Variants in COL11A1 observed in about 807,000 individuals in gnomAD.
COL11A1 encodes the protein collagen type XI alpha 1 chain, also known as collagen alpha-1(XI) chain.
Under a neutral mutation model 265.2 loss-of-function variants are expected in COL11A1, and 74 were observed. The observed-to-expected ratio is 0.28, with a 90% confidence interval of 0.23 to 0.34. COL11A1 has a LOEUF of 0.34. Among genes scored for constraint, COL11A1 ranks in the 10% least tolerant of loss-of-function variants. The pLI is 1.00. For synonymous variants in COL11A1, 816 were observed against 727.6 expected, an observed-to-expected ratio of 1.12 and a Z score of -1.96; for missense variants, 2,165 against 2,263.6, an observed-to-expected ratio of 0.96 and a Z score of 0.88.
At chr1:102,885,515 A>G (rs2100832179) in intron 63 of COL11A1, among the ~76,000 whole-genome samples, 1 of 152,264 alleles carries the variant, frequency 6.6e-6, no homozygotes, top group South Asian at 2.1e-4. Flanking sequence ...TAAACAGGAA[A>G]AGTATTCTAA....
rs143611857 is a variant in COL11A1, at chr1:103,051,569, C to T, written c.652-20325G>A. On this transcript the variant is annotated intron_variant, in intron 4 of 66. Transcript: ENST00000370096. ...GTGCTTCCCGGGTAAGGTGATGCCTCGCCTTGCTTCGGCTTATGCATGGTG... is the reference window on the plus strand; with the variant it reads ...GTGCTTCCCGGGTAAGGTGATGCCTTGCCTTGCTTCGGCTTATGCATGGTG... 8.4e-3 allele frequency among the ~76,000 whole-genome samples: 1,282 copies of T among 152,292 alleles called. 36 individuals carry two copies. The highest frequency in any genetic ancestry group is 0.057 in the Admixed American group (874 of 15,300).
At position 102,911,208 on chromosome 1, in the gene COL11A1, T is replaced by G. The variant is rs189791184; in HGVS notation, c.4086+951A>C. On this transcript the variant is annotated intron_variant, in intron 54 of 66. Transcript: ENST00000370096. ...CTTGGCCAATGAAGAGCAAATTGTT[T>G]TCAGAGACAAGTTTTATTATAAATT... 8.1e-3 allele frequency among the ~76,000 whole-genome samples: 1,232 copies of G among 152,242 alleles called. 19 individuals are homozygous for G. The highest frequency in any genetic ancestry group is 0.028 in the African/African-American group (1,164 of 41,558).
chr1:102,963,855 G>T (rs2615987), intron 38 of COL11A1, among the ~76,000 whole-genome samples: 43,224 of 151,722 alleles, frequency 0.28, 6,504 homozygotes, highest in African/African-American at 0.39. Flanking sequence ...ATTGAACAGC[G>T]ATCACCGAGA....
At chr1:102,881,867 A>T in intron 64 of COL11A1, 102 bp from the exon 65 acceptor site, 1 of 863,734 alleles carries the variant, frequency 1.2e-6, no homozygotes, top group South Asian at 1.5e-5. Context: ...CTAAGAAAAT[A>T]AAGAGTGCTT....
At chr1:102,933,553 C>G (rs1657776487) in intron 46 of COL11A1, among the ~76,000 whole-genome samples, 2 of 152,310 alleles carry the variant, frequency 1.3e-5, no homozygotes, top group Admixed American at 6.5e-5. Context: ...TTTGTCAGTG[C>G]TCTGCCCCCC....
At chr1:103,027,682 C>A (rs76764789) in intron 5 of COL11A1, among the ~76,000 whole-genome samples, 12,004 of 151,748 alleles carry the variant, frequency 0.079, 530 homozygotes, top group Middle Eastern at 0.15. Flanking sequence ...AAATTGTGAT[C>A]ACAGTGCCTT....
intron 44 of COL11A1, among the ~76,000 whole-genome samples, chr1:102,937,884 G>T (rs910109774): frequency 1.1e-4 from 16 of 152,242 alleles, no homozygotes; most frequent in East Asian, 3.9e-4. Flanking sequence ...TTTTGTAAAT[G>T]TATAGTCAAT....
chr1:102,969,500 A>G (rs1056464050), intron 37 of COL11A1, among the ~76,000 whole-genome samples: 3 of 152,192 alleles, frequency 2.0e-5, no homozygotes, highest in Non-Finnish European at 4.4e-5. Flanking sequence ...GATTAGAATG[A>G]CAATCCACTG....
At chr1:102,914,325 A>G (rs188060734) in intron 52 of COL11A1, 27 bp downstream of exon 52, 2 of 1,569,670 alleles carry the variant, frequency 1.3e-6, no homozygotes, top group Admixed American at 1.7e-5. Context: ...CTCCAAAATA[A>G]TTTCTTGATT....
At chr1:102,967,757 G>A (rs1024403311) in intron 37 of COL11A1, among the ~76,000 whole-genome samples, 32 of 152,096 alleles carry the variant, frequency 2.1e-4, no homozygotes, top group African/African-American at 7.2e-4. Context: ...AAATTCAACA[G>A]GAAGATATAA....
chr1:102,951,399 T>A (rs1160067895), intron 41 of COL11A1, among the ~76,000 whole-genome samples: 1 of 152,204 alleles, frequency 6.6e-6, no homozygotes, highest in South Asian at 2.1e-4. Flanking sequence ...TTGAACATGT[T>A]AAAAATTTAG....
chr1:102,914,930 G>C, intron 50 of COL11A1, 119 bp from the exon 51 acceptor site: 1 of 797,954 alleles, frequency 1.3e-6, no homozygotes, highest in Non-Finnish European at 2.0e-6. Flanking sequence ...TTTTTAGACG[G>C]AATATCACTT....
intron 46 of COL11A1, among the ~76,000 whole-genome samples, chr1:102,933,061 T>C (rs1032679395): frequency 2.7e-5 from 4 of 146,038 alleles, no homozygotes; most frequent in African/African-American, 1.0e-4. Flanking sequence ...CTCAGAGTAA[T>C]TTGATCGTCT....
intron 37 of COL11A1, among the ~76,000 whole-genome samples, chr1:102,969,438 G>A (rs947197132): frequency 2.6e-5 from 4 of 152,152 alleles, no homozygotes; most frequent in African/African-American, 9.7e-5. Flanking sequence ...GTAATCATTG[G>A]TGAGAAGCAA....
rs527529427 is a variant in COL11A1, at chr1:102,899,050, G to A, written c.4087-56C>T. 4.6e-5 allele frequency: 47 copies of A among 1,030,342 alleles called. No homozygotes were observed. In the Admixed American group the frequency reaches 8.4e-4, roughly 18 times the overall value. 63.8% of individuals were successfully genotyped at this position (1,030,342 alleles called of 1,614,324 possible). On this transcript the variant is annotated intron_variant, in intron 54 of 66. Coordinates refer to ENST00000370096, the MANE Select transcript of COL11A1 (RefSeq NM_001854.4). Reference sequence around the variant, plus strand: ...TATCACATATAAAAGTAATGTTAATGAGCACTTGTTTACAAACACTAAACT... The same window carrying A: ...TATCACATATAAAAGTAATGTTAATAAGCACTTGTTTACAAACACTAAACT...
chr1:103,000,670 T>C (rs572141458), intron 24 of COL11A1, among the ~76,000 whole-genome samples: 2 of 151,786 alleles, frequency 1.3e-5, no homozygotes, highest in African/African-American at 4.8e-5. Flanking sequence ...GAAGGGAAAA[T>C]GGTACAATCG....
At chr1:103,002,914 T>G (rs1665254649) in intron 21 of COL11A1, 123 bp from the exon 22 acceptor site, 1 of 974,108 alleles carries the variant, frequency 1.0e-6, no homozygotes, top group Non-Finnish European at 1.6e-6. Context: ...ATTTTAGGAT[T>G]TAATGGAAAC....
chr1:102,914,435 T>A (rs760049241), intron 51 of COL11A1, 30 bp from the exon 52 acceptor site: 1 of 1,569,614 alleles, frequency 6.4e-7, no homozygotes, highest in South Asian at 1.2e-5. Context: ...GAAAAAGAAA[T>A]AAATGAAAAA....
intron 1 of COL11A1, among the ~76,000 whole-genome samples, chr1:103,101,411 T>A (rs1674261214): frequency 6.6e-6 from 1 of 151,988 alleles, no homozygotes; most frequent in South Asian, 2.1e-4. Context: ...TATTTACATT[T>A]TTTTCTTTCT....
Sources: gnomAD v4.1 joint callset for allele counts (sites outside exome capture counted in the v4.1 genomes callset) on GRCh38, gnomAD v4.1.1 for gene constraint, MANE v1.5 for transcripts, NCBI Gene and HGNC (gene_info 2026-07-23, HGNC 2026-07-21) for gene names.